CFAP96: variants seen among roughly 807,000 people sequenced by gnomAD.
CFAP96 encodes the protein cilia and flagella associated protein 96, also known as cilia-and flagella-associated protein 96.
At chr4:185,429,654 C>A in the CFAP96 span, 1 of 579,446 alleles carries the variant, frequency 1.7e-6, no homozygotes, top group Non-Finnish European at 2.9e-6. Flanking sequence ...TGTAAAATTT[C>A]AATGAAGTTA....
the CFAP96 span, among the ~76,000 whole-genome samples, chr4:185,443,342 A>ATATATATATATATATATATATATTTT: frequency 3.7e-5 from 1 of 26,724 alleles, no homozygotes; most frequent in African/African-American, 1.2e-4. Flanking sequence ...ATATATATAT[A>ATATATATATATATATATATATATTTT]TTTTTTTTTT....
the CFAP96 span, among the ~76,000 whole-genome samples, chr4:185,420,737 A>G: frequency 2.6e-5 from 4 of 152,218 alleles, no homozygotes; most frequent in Non-Finnish European, 5.9e-5. Flanking sequence ...TGAAGCCTTT[A>G]AAGTTAAGCA....
chr4:185,425,993 T>C, the CFAP96 span: 109 of 1,127,214 alleles, frequency 9.7e-5, no homozygotes, highest in Non-Finnish European at 1.3e-4. Flanking sequence ...ACTCCCGACA[T>C]GCTCGGCGGC....
At chr4:185,432,697 T>C in the CFAP96 span, among the ~76,000 whole-genome samples, 1 of 151,984 alleles carries the variant, frequency 6.6e-6, no homozygotes, top group East Asian at 1.9e-4. Flanking sequence ...ACCCCATCTC[T>C]ACAAAAGTTA....
the CFAP96 span, chr4:185,413,993 C>T: frequency 1.2e-6 from 1 of 856,068 alleles, no homozygotes; most frequent in Non-Finnish European, 1.6e-6. Flanking sequence ...TTTCCAAACA[C>T]TTATGGTTTA....
the CFAP96 span, among the ~76,000 whole-genome samples, chr4:185,439,981 A>G: frequency 1.5e-5 from 2 of 133,650 alleles, no homozygotes; most frequent in African/African-American, 5.6e-5. Flanking sequence ...ATATGTGTAT[A>G]TGTGAGATAT....
the CFAP96 span, among the ~76,000 whole-genome samples, chr4:185,433,629 C>T: frequency 4.6e-5 from 7 of 152,172 alleles, no homozygotes; most frequent in East Asian, 1.9e-4. Context: ...TGGCCGGGCA[C>T]GGTGGCTCAC....
the CFAP96 span, among the ~76,000 whole-genome samples, chr4:185,437,807 T>C: frequency 2.9e-4 from 44 of 152,346 alleles, no homozygotes; most frequent in African/African-American, 8.9e-4. Context: ...TTAGAACTTA[T>C]ACATAAGTCA....
chr4:185,448,084 G>C, the CFAP96 span, among the ~76,000 whole-genome samples: 3 of 150,984 alleles, frequency 2.0e-5, no homozygotes, highest in African/African-American at 4.9e-5. Context: ...GCAAAGGTGT[G>C]ATCTCGGCTC....
the CFAP96 span, among the ~76,000 whole-genome samples, chr4:185,445,827 A>G: frequency 6.6e-6 from 1 of 152,144 alleles, no homozygotes; most frequent in Non-Finnish European, 1.5e-5. Context: ...ACTGCCCTTT[A>G]TTACAAAGGT....
At chr4:185,434,522 T>C in the CFAP96 span, among the ~76,000 whole-genome samples, 9 of 152,308 alleles carry the variant, frequency 5.9e-5, no homozygotes, top group African/African-American at 1.9e-4. Context: ...TACATTAGTT[T>C]ATAATAGGCT....
the CFAP96 span, chr4:185,418,620 G>A: frequency 6.2e-7 from 1 of 1,613,552 alleles, no homozygotes; most frequent in Non-Finnish European, 8.5e-7. Flanking sequence ...ACAAGCAGAA[G>A]CATCAGTCAG....
At chr4:185,443,342 A>ATATATT in the CFAP96 span, among the ~76,000 whole-genome samples, 4 of 26,730 alleles carry the variant, frequency 1.5e-4, no homozygotes, top group African/African-American at 4.6e-4. Flanking sequence ...ATATATATAT[A>ATATATT]TTTTTTTTTT....
At chr4:185,426,730 A>G in the CFAP96 span, among the ~76,000 whole-genome samples, 2 of 152,136 alleles carry the variant, frequency 1.3e-5, no homozygotes, top group African/African-American at 4.8e-5. Context: ...ATGTTGCTCA[A>G]TAAGAGTTAA....
chr4:185,445,619 A>G, the CFAP96 span: 22 of 946,864 alleles, frequency 2.3e-5, no homozygotes, highest in Non-Finnish European at 3.2e-5. Context: ...GTATATTATC[A>G]AGGTATCTTA....
the CFAP96 span, among the ~76,000 whole-genome samples, chr4:185,427,872 G>A: frequency 6.7e-6 from 1 of 149,946 alleles, no homozygotes; most frequent in Non-Finnish European, 1.5e-5. Context: ...GATCACCTGA[G>A]GTCAGGAGTT....
the CFAP96 span, among the ~76,000 whole-genome samples, chr4:185,425,512 A>G: frequency 1.3e-5 from 2 of 152,296 alleles, no homozygotes; most frequent in Admixed American, 6.5e-5. Flanking sequence ...GGAGGGAAAT[A>G]CCACGGGAAC....
the CFAP96 span, among the ~76,000 whole-genome samples, chr4:185,437,275 T>A: frequency 3.3e-5 from 5 of 152,360 alleles, no homozygotes; most frequent in African/African-American, 1.2e-4. Context: ...TGTACCATAT[T>A]TGACTTGTAA....
the CFAP96 span, chr4:185,429,548 G>C: frequency 9.2e-7 from 1 of 1,091,350 alleles, no homozygotes; most frequent in Non-Finnish European, 1.3e-6. Context: ...ACGAATAGTG[G>C]GTATTTTCTA....
Sources: allele counts gnomAD v4.1 joint callset (sites outside exome capture counted in the v4.1 genomes callset), GRCh38; gene constraint gnomAD v4.1.1; transcripts MANE v1.5; gene names NCBI Gene and HGNC (gene_info 2026-07-23, HGNC 2026-07-21).